AIG1: variants seen among roughly 807,000 people sequenced by gnomAD.
The protein encoded by AIG1 is androgen-induced gene 1 protein.
AIG1 carries 23 observed loss-of-function variants against 31.4 expected under a neutral mutation model. The ratio of observed to expected loss-of-function variants is 0.73; its 90% CI spans 0.53 to 1.04. AIG1 has a LOEUF of 1.04. Ranked by LOEUF, AIG1 falls within the 50% of genes least tolerant of loss-of-function variation. The probability of loss-of-function intolerance (pLI) is 0.00; values close to 1 mark genes in which losing one functional copy is unlikely to be tolerated. For missense variants in AIG1, 274 were observed against 295.0 expected, an observed-to-expected ratio of 0.93 and a Z score of 0.52; for synonymous variants, 100 against 110.5, an observed-to-expected ratio of 0.90 and a Z score of 0.60.
At chr6:143,184,544 C>T (rs1562468631) in intron 3 of AIG1, among the ~76,000 whole-genome samples, 1 of 152,230 alleles carries the variant, frequency 6.6e-6, no homozygotes. Flanking sequence ...AGCTCCTCTT[C>T]CTATCACATC....
chr6:143,165,239 T>C, intron 3 of AIG1, 56 bp downstream of exon 3: 1 of 1,337,254 alleles, frequency 7.5e-7, no homozygotes, highest in South Asian at 1.2e-5. Context: ...ATTAAATAGC[T>C]ATGATCTGCT....
At position 143,280,681 on chromosome 6, in the gene AIG1, T is replaced by C. The variant is rs1042732324; in HGVS notation, c.400-3429T>C. On this transcript the variant is annotated intron_variant, in intron 3 of 5. Coordinates refer to ENST00000357847, the MANE Select transcript of AIG1 (RefSeq NM_016108.4). This position sits in a 1 kb window ranked among gnomAD's most constrained non-coding sequence, Gnocchi z 4.1. ...GTGGGAGCTAAATGATAAGAACTTA[T>C]GAACACAAAGAAGGAAATAACAGAC... 6.6e-6 allele frequency among the ~76,000 whole-genome samples: 1 copy of C among 152,124 alleles called. No individual in the cohort carries two copies. Among genetic ancestry groups the C allele is most frequent in the African/African-American group, 2.4e-5 (1 of 41,412 alleles).
At position 143,200,925 on chromosome 6, in the gene AIG1, G is replaced by A. The variant is rs532524760; in HGVS notation, c.399+35742G>A. 8.8e-4 allele frequency among the ~76,000 whole-genome samples: 97 copies of A among 110,474 alleles called. 1 individual carries two copies. The highest frequency in any genetic ancestry group is 3.8e-3 in the African/African-American group (93 of 24,752). 72.5% of individuals were successfully genotyped at this position (110,474 alleles called of 152,430 possible). A position where few individuals can be genotyped will look rare whatever the true frequency, so the allele number is the denominator to read the frequency against. On this transcript the variant is annotated intron_variant, in intron 3 of 5. Coordinates refer to ENST00000357847, the MANE Select transcript of AIG1 (RefSeq NM_016108.4). ...ATCTCATTTGAGTTCTAAACCTACC[G>A]AGTATCTCGTGGATTTCCCATAGAC... is the stretch of plus-strand genomic sequence containing the variant.
intron 3 of AIG1, among the ~76,000 whole-genome samples, chr6:143,273,426 G>C (rs12529438): frequency 0.48 from 72,590 of 151,578 alleles, 17,896 homozygotes; most frequent in African/African-American, 0.58. Flanking sequence ...ATTTTACTGA[G>C]TGCAGGAACA....
chr6:143,113,568 ACT>A (rs1743062321), intron 1 of AIG1, among the ~76,000 whole-genome samples: 1 of 150,588 alleles, frequency 6.6e-6, no homozygotes, highest in South Asian at 2.1e-4. Context: ...ACGCCACTGC[ACT>A]CCAGCCTAGG....
At chr6:143,313,619 T>A (rs971023325) in intron 4 of AIG1, among the ~76,000 whole-genome samples, 37 of 151,960 alleles carry the variant, frequency 2.4e-4, no homozygotes, top group Non-Finnish European at 4.4e-4. Context: ...ATAAAAAGAA[T>A]GAATAAGATC....
At chr6:143,190,544 A>G (rs1381314284) in intron 3 of AIG1, 2 of 985,072 alleles carry the variant, frequency 2.0e-6, no homozygotes, top group Non-Finnish European at 2.4e-6. Flanking sequence ...TAAGAATCAT[A>G]TGAGATTATT....
chr6:143,106,244 A>G (rs886984887), intron 1 of AIG1, among the ~76,000 whole-genome samples: 2 of 152,156 alleles, frequency 1.3e-5, no homozygotes, highest in African/African-American at 2.4e-5. Flanking sequence ...TGATGCTTCT[A>G]CAAGCCAAGG....
intron 3 of AIG1, among the ~76,000 whole-genome samples, chr6:143,207,019 T>A (rs1268105851): frequency 1.3e-5 from 2 of 152,158 alleles, no homozygotes; most frequent in Non-Finnish European, 2.9e-5. Flanking sequence ...TAAGATGTCA[T>A]AAGTAATATA....
rs531013800 is a variant in AIG1, at chr6:143,189,329, C to T, written c.399+24146C>T. ...CTCCTGGCCTCAAGCGATCCTCCTG[C>T]CTCAGCCTTCCTGAAGTCCTAGGAT... On this transcript the variant is annotated intron_variant, in intron 3 of 5. Coordinates refer to ENST00000357847, the MANE Select transcript of AIG1 (RefSeq NM_016108.4). 2.3e-5 allele frequency: 20 copies of T among 869,522 alleles called. No individual in the cohort carries two copies. The Admixed American group carries it at 8.0e-4, about 35-fold the overall frequency. 53.9% of individuals were successfully genotyped at this position (869,522 alleles called of 1,614,324 possible).
At chr6:143,169,131 G>A (rs1787252658) in intron 3 of AIG1, among the ~76,000 whole-genome samples, 1 of 151,736 alleles carries the variant, frequency 6.6e-6, no homozygotes. Flanking sequence ...CAATGTAGGA[G>A]GATAAAACAT....
Position 143,331,743 on chromosome 6 carries a change from C to T in AIG1, c.516-1539C>T, listed in dbSNP as rs535672854. 6.2e-4 allele frequency among the ~76,000 whole-genome samples: 94 copies of T among 151,884 alleles called. No individual in the cohort carries two copies. Among genetic ancestry groups the T allele is most frequent in the African/African-American group, 1.4e-3 (59 of 41,422 alleles). Reference sequence around the variant, plus strand: ...TACCACCAACCCCAGAATGAATTTTCGCCTGCAAGAAGAGGGGGGATCTCA... The same window carrying T: ...TACCACCAACCCCAGAATGAATTTTTGCCTGCAAGAAGAGGGGGGATCTCA... On this transcript the variant is annotated intron_variant, in intron 4 of 5. Transcript: ENST00000357847. The surrounding 1 kb of genome is among the most constrained non-coding windows in gnomAD (Gnocchi z 4.1).
intron 3 of AIG1, among the ~76,000 whole-genome samples, chr6:143,265,587 A>G (rs911562133): frequency 6.6e-6 from 1 of 152,184 alleles, no homozygotes; most frequent in Admixed American, 6.5e-5. Flanking sequence ...TTAGAAACAA[A>G]CAAAATAAAT....
At chr6:143,159,058 C>T (rs181958122) in intron 2 of AIG1, among the ~76,000 whole-genome samples, 1 of 152,326 alleles carries the variant, frequency 6.6e-6, no homozygotes, top group African/African-American at 2.4e-5. Context: ...AAATAGACAA[C>T]AGAGCCCTGG....
chr6:143,247,894 G>A (rs531825101), intron 3 of AIG1, among the ~76,000 whole-genome samples: 2 of 152,274 alleles, frequency 1.3e-5, no homozygotes, highest in South Asian at 4.2e-4. Flanking sequence ...TGATTCAGGA[G>A]GTCTTCATCT....
At chr6:143,162,135 C>CA (rs1348158189) in intron 2 of AIG1, among the ~76,000 whole-genome samples, 1 of 151,942 alleles carries the variant, frequency 6.6e-6, no homozygotes, top group Non-Finnish European at 1.5e-5. Flanking sequence ...TATAAACTAA[C>CA]AAAAAAGAAT....
At chr6:143,188,175 A>G (rs1447261157) in intron 3 of AIG1, 56 of 999,420 alleles carry the variant, frequency 5.6e-5, no homozygotes, top group Non-Finnish European at 6.3e-5. Flanking sequence ...AGGAAGAGGT[A>G]TCTCTCTTTA....
intron 1 of AIG1, among the ~76,000 whole-genome samples, chr6:143,084,858 T>C (rs1404134585): frequency 1.3e-5 from 2 of 152,188 alleles, no homozygotes; most frequent in Non-Finnish European, 2.9e-5. Flanking sequence ...GTTCTGATTC[T>C]GCATCCTAAT....
At chr6:143,092,992 G>T (rs1779437617) in intron 1 of AIG1, among the ~76,000 whole-genome samples, 1 of 152,206 alleles carries the variant, frequency 6.6e-6, no homozygotes, top group Non-Finnish European at 1.5e-5. Flanking sequence ...CAAGGCTGCA[G>T]TGAGCTGTGA....
Sources: gnomAD v4.1 joint callset for allele counts (sites outside exome capture counted in the v4.1 genomes callset) on GRCh38, gnomAD v4.1.1 for gene constraint, Gnocchi (gnomAD v3.1) non-coding constraint, MANE v1.5 for transcripts, NCBI Gene and HGNC (gene_info 2026-07-23, HGNC 2026-07-21) for gene names.